Variants in SHISA9 observed in about 807,000 individuals in gnomAD.
SHISA9 encodes protein shisa-9.
A neutral mutation model predicts 38.0 loss-of-function variants in SHISA9; 13 were observed. The ratio of observed to expected loss-of-function variants is 0.34; its 90% confidence interval spans 0.22 to 0.54. SHISA9 has a LOEUF of 0.54. Among genes scored for constraint, SHISA9 ranks in the 20% least tolerant of loss-of-function variants. The probability of loss-of-function intolerance (pLI) is 0.91; values close to 1 mark genes in which losing one functional copy is unlikely to be tolerated. For synonymous variants in SHISA9, 275 were observed against 242.0 expected, an observed-to-expected ratio of 1.14 and a Z score of -1.27; for missense variants, 538 against 575.8, an observed-to-expected ratio of 0.93 and a Z score of 0.67.
At chr16:13,039,868 G>A (rs1567191965) in intron 2 of SHISA9, among the ~76,000 whole-genome samples, 1 of 152,086 alleles carries the variant, frequency 6.6e-6, no homozygotes, top group East Asian at 1.9e-4. Context: ...GTGTGACCTG[G>A]ACTTCAGTTT....
the SHISA9 span, among the ~76,000 whole-genome samples, chr16:13,446,552 G>C: frequency 6.6e-6 from 1 of 152,160 alleles, no homozygotes; most frequent in Non-Finnish European, 1.5e-5. Flanking sequence ...ATGTCTTAGA[G>C]AATGAGATTT....
the SHISA9 span, among the ~76,000 whole-genome samples, chr16:13,294,713 A>G: frequency 1.7e-4 from 26 of 152,218 alleles, no homozygotes; most frequent in Non-Finnish European, 2.8e-4. Flanking sequence ...CAAATACTGT[A>G]TCTTCATTGG....
chr16:13,046,877 T>G (rs886893846), intron 2 of SHISA9, among the ~76,000 whole-genome samples: 5 of 152,172 alleles, frequency 3.3e-5, no homozygotes, highest in Admixed American at 3.3e-4. Context: ...TATGCTTCAG[T>G]AGCAGCACCA....
At chr16:13,055,755 C>T (rs2073302923) in intron 2 of SHISA9, among the ~76,000 whole-genome samples, 1 of 152,176 alleles carries the variant, frequency 6.6e-6, no homozygotes, top group Non-Finnish European at 1.5e-5. Flanking sequence ...ACAGAGAAGT[C>T]ATCAGAATTA....
chr16:13,021,877 G>A (rs1290442114), intron 2 of SHISA9, among the ~76,000 whole-genome samples: 1 of 152,176 alleles, frequency 6.6e-6, no homozygotes, highest in Non-Finnish European at 1.5e-5. Flanking sequence ...GCATAGTAGT[G>A]TCCTAGGGCT....
chr16:13,365,478 A>G, the SHISA9 span, among the ~76,000 whole-genome samples: 5 of 112,890 alleles, frequency 4.4e-5, no homozygotes, highest in East Asian at 1.3e-3. Context: ...TTTTTTTGAG[A>G]CAGAGTCTCA....
chr16:13,261,607 C>T, the SHISA9 span, among the ~76,000 whole-genome samples: 67 of 152,256 alleles, frequency 4.4e-4, no homozygotes, highest in South Asian at 1.0e-3. Flanking sequence ...CCTTGCAGTG[C>T]GATTAAATTC....
chr16:13,221,826 G>A (rs181148777), intron 4 of SHISA9, among the ~76,000 whole-genome samples: 8 of 152,244 alleles, frequency 5.3e-5, no homozygotes, highest in African/African-American at 1.9e-4. Context: ...GCTAACCCCT[G>A]GTTCAAGCAA....
the SHISA9 span, among the ~76,000 whole-genome samples, chr16:13,440,997 C>A: frequency 2.0e-5 from 3 of 151,824 alleles, no homozygotes; most frequent in Non-Finnish European, 4.4e-5. Context: ...GAAAATTAAT[C>A]CAACTCACAT....
the SHISA9 span, among the ~76,000 whole-genome samples, chr16:13,410,643 A>C: frequency 2.6e-5 from 4 of 152,222 alleles, no homozygotes; most frequent in Admixed American, 2.0e-4. Context: ...TTAACACTGG[A>C]GAGCTAAGTT....
intron 2 of SHISA9, among the ~76,000 whole-genome samples, chr16:13,110,913 T>A (rs4781414): frequency 0.11 from 17,291 of 152,224 alleles, 1,354 homozygotes; most frequent in Admixed American, 0.2. Context: ...AAATATTTAG[T>A]ACGTGGCTTC....
intron 2 of SHISA9, among the ~76,000 whole-genome samples, chr16:12,960,392 T>A (rs1487900973): frequency 6.6e-6 from 1 of 152,194 alleles, no homozygotes; most frequent in Non-Finnish European, 1.5e-5. Context: ...GAAATACCAT[T>A]TGACCCAGCA....
the SHISA9 span, among the ~76,000 whole-genome samples, chr16:13,246,889 CATT>C: frequency 5.3e-5 from 8 of 151,816 alleles, no homozygotes; most frequent in African/African-American, 1.7e-4. Flanking sequence ...CCATCATCAT[CATT>C]ATCATCATTG....
chr16:13,308,213 C>CTTT, the SHISA9 span, among the ~76,000 whole-genome samples: 1 of 146,120 alleles, frequency 6.8e-6, no homozygotes, highest in East Asian at 2.0e-4. Context: ...ATTGTAGGAG[C>CTTT]TTTTTTTTTT....
At chr16:13,321,327 A>G in the SHISA9 span, among the ~76,000 whole-genome samples, 1 of 152,208 alleles carries the variant, frequency 6.6e-6, no homozygotes, top group East Asian at 1.9e-4. Context: ...CCGGTGACAA[A>G]TAGCATGTCA....
chr16:13,034,249 A>G (rs2141880427), intron 2 of SHISA9, among the ~76,000 whole-genome samples: 1 of 152,062 alleles, frequency 6.6e-6, no homozygotes, highest in South Asian at 2.1e-4. Flanking sequence ...ATTTAGTAGG[A>G]TAGAGGGAAA....
chr16:13,002,602 G>A (rs981235989), intron 2 of SHISA9, among the ~76,000 whole-genome samples: 54 of 145,434 alleles, frequency 3.7e-4, no homozygotes, highest in African/African-American at 1.3e-3. Flanking sequence ...GTGTGATCTC[G>A]GATCACTGCA....
chr16:13,495,430 C>T, the SHISA9 span, among the ~76,000 whole-genome samples: 2 of 151,842 alleles, frequency 1.3e-5, no homozygotes, highest in Non-Finnish European at 2.9e-5. Flanking sequence ...TAATATATAC[C>T]AAAGAATCCC....
chr16:12,925,166 G>A (rs1371522598), intron 2 of SHISA9, among the ~76,000 whole-genome samples: 1 of 152,172 alleles, frequency 6.6e-6, no homozygotes, highest in African/African-American at 2.4e-5. Flanking sequence ...GTGTGTGTGT[G>A]CATGGGAGTG....
Sources: gnomAD v4.1 joint callset for allele counts (sites outside exome capture counted in the v4.1 genomes callset) on GRCh38, gnomAD v4.1.1 for gene constraint, MANE v1.5 for transcripts, NCBI Gene and HGNC (gene_info 2026-07-23, HGNC 2026-07-21) for gene names.